The following ACAD8 variants were observed in gnomAD, a reference collection of about 807,000 sequenced individuals.
ACAD8 encodes the protein acyl-CoA dehydrogenase family member 8.
Under a neutral mutation model 53.1 loss-of-function variants are expected in ACAD8, and 47 were observed. The observed-to-expected ratio is 0.89, with a 90% CI of 0.70 to 1.13. The LOEUF is 1.13. ACAD8 is among the 50% of genes most tolerant of loss of function. The pLI is 0.00. For synonymous variants in ACAD8, 198 were observed against 201.3 expected (o/e 0.98, Z 0.14); for missense variants, 494 against 535.0 (o/e 0.92, Z 0.76).
intron 10 of ACAD8, chr11:134,263,500 C>A (rs1940025253): frequency 2.0e-6 from 2 of 985,552 alleles, no homozygotes; most frequent in Non-Finnish European, 2.4e-6. Flanking sequence ...TGTCTGAGAA[C>A]CACACTTTGA....
At chr11:134,259,795 C>T in intron 6 of ACAD8, 50 bp downstream of exon 6, 2 of 1,613,706 alleles carry the variant, frequency 1.2e-6, no homozygotes, top group Non-Finnish European at 1.7e-6. Flanking sequence ...ACTCTGCCAC[C>T]TGCCAGCCCA....
intron 5 of ACAD8, chr11:134,259,372 A>G: frequency 4.8e-6 from 3 of 622,792 alleles, no homozygotes; most frequent in Non-Finnish European, 8.4e-6. Flanking sequence ...TCTCTGTGCC[A>G]TTGGACCTTA....
At chr11:134,259,168 G>C in intron 5 of ACAD8, 84 bp downstream of exon 5, 1 of 1,227,290 alleles carries the variant, frequency 8.1e-7, no homozygotes, top group Middle Eastern at 1.9e-4. Flanking sequence ...ACATCCGCGG[G>C]TTAATACTCC....
At chr11:134,262,676 G>C (rs866514202) in intron 10 of ACAD8, 54 bp downstream of exon 10, 1 of 1,558,124 alleles carries the variant, frequency 6.4e-7, no homozygotes, top group East Asian at 2.3e-5. Flanking sequence ...CGGGATCGCT[G>C]CTTTCCCCAC....
Position 134,261,977 on chromosome 11 carries a change from C to G in ACAD8, c.1092+87C>G. 2 of 1,486,040 alleles carry G rather than the reference C, an allele frequency of 1.3e-6. No homozygotes were observed. Among genetic ancestry groups the G allele is most frequent in the South Asian group, 2.3e-5 (2 of 85,476 alleles). 92.1% of individuals were successfully genotyped at this position (1,486,040 alleles called of 1,614,324 possible). A position where few individuals can be genotyped will look rare whatever the true frequency, so the allele number is the denominator to read the frequency against. ...TGAGAGACATGAGTCAGATTTGGAACCCAGCCCTCCTGGAATCCCACAAGG... is the reference window on the plus strand; with the variant it reads ...TGAGAGACATGAGTCAGATTTGGAAGCCAGCCCTCCTGGAATCCCACAAGG... On this transcript the variant is annotated intron_variant, in intron 9 of 10. Transcript: ENST00000281182. This position sits in a 1 kb window ranked among gnomAD's most constrained non-coding sequence, Gnocchi z 4.2.
intron 10 of ACAD8, 126 bp downstream of exon 10, chr11:134,262,748 C>T: frequency 6.6e-7 from 1 of 1,511,330 alleles, no homozygotes; most frequent in South Asian, 1.2e-5. Flanking sequence ...CTCGAGGCTT[C>T]CTCCTCCCTC....
intron 10 of ACAD8, chr11:134,263,162 C>T (rs747120389): frequency 1.4e-4 from 152 of 1,069,034 alleles, no homozygotes; most frequent in Admixed American, 8.4e-4. Context: ...CCGTTGGGGT[C>T]GGGCTCGGAG....
chr11:134,257,798 C>A, intron 3 of ACAD8: 1 of 181,796 alleles, frequency 5.5e-6, no homozygotes, highest in East Asian at 1.4e-4. Context: ...TTATTTTGAG[C>A]TGGTACCAGG....
intron 10 of ACAD8, chr11:134,264,032 T>C (rs1231804474): frequency 1.6e-5 from 16 of 985,170 alleles, no homozygotes; most frequent in Non-Finnish European, 1.9e-5. Context: ...TGTGTATTTA[T>C]TGTTGAAACC....
Position 134,261,916 on chromosome 11 carries a change from G to C in ACAD8, c.1092+26G>C. The C allele has an allele frequency of 6.2e-7, 1 of 1,612,424 alleles. No homozygotes were observed. Among genetic ancestry groups the C allele is most frequent in the East Asian group, 2.2e-5 (1 of 44,874 alleles). ...GTAAGTGATTCCTCTGGCTCTCCTG[G>C]GATGGACAGGGAACAGCTGCTAGGC... On this transcript the variant is annotated intron_variant, in intron 9 of 10. Coordinates refer to ENST00000281182, the MANE Select transcript of ACAD8 (RefSeq NM_014384.3). The surrounding 1 kb of genome is among the most constrained non-coding windows in gnomAD (Gnocchi z 4.2).
intron 6 of ACAD8, chr11:134,259,984 T>C: frequency 2.2e-6 from 3 of 1,360,572 alleles, no homozygotes; most frequent in Non-Finnish European, 2.9e-6. Flanking sequence ...CTGTGAGTGT[T>C]CTGACCTCTC....
intron 1 of ACAD8, among the ~76,000 whole-genome samples, chr11:134,256,153 C>T (rs1939516392): frequency 6.6e-6 from 1 of 152,194 alleles, no homozygotes; most frequent in African/African-American, 2.4e-5. Flanking sequence ...GTGATCTGCC[C>T]GCCTCGGCCT....
intron 1 of ACAD8, 64 bp downstream of exon 1, chr11:134,253,773 G>T: frequency 1.4e-6 from 2 of 1,462,078 alleles, no homozygotes; most frequent in Admixed American, 2.0e-5. Flanking sequence ...ATGTCCGCGA[G>T]GGGCTGCAGT....
intron 6 of ACAD8, 96 bp from the exon 7 acceptor site, chr11:134,260,948 G>A (rs1939832785): frequency 1.4e-6 from 2 of 1,436,722 alleles, no homozygotes; most frequent in African/African-American, 2.8e-5. Context: ...TAAGTCTTGG[G>A]TGCTGAAACC....
At chr11:134,256,695 G>C (rs1939547722) in intron 2 of ACAD8, 47 bp downstream of exon 2, 1 of 1,516,066 alleles carries the variant, frequency 6.6e-7, no homozygotes, top group African/African-American at 1.4e-5. Context: ...AGATGTCTCA[G>C]GCAGACCTTT....
At chr11:134,258,188 A>G (rs1939657517) in intron 3 of ACAD8, 1 of 373,036 alleles carries the variant, frequency 2.7e-6, no homozygotes, top group East Asian at 6.5e-5. Context: ...TGGAACTGCC[A>G]GTGATTTGAG....
At chr11:134,256,479 TCTTGTTGGCAACAC>T (rs1284100745) in intron 1 of ACAD8, 55 bp from the exon 2 acceptor site, 11 of 1,278,278 alleles carry the variant, frequency 8.6e-6, no homozygotes, top group South Asian at 1.2e-5. Flanking sequence ...TCGTGGTGCT[TCTTGTTGGCAACAC>T]CTTGTTGGCA....
At chr11:134,258,384 A>G in intron 3 of ACAD8, 131 bp from the exon 4 acceptor site, 1 of 706,454 alleles carries the variant, frequency 1.4e-6, no homozygotes, top group Non-Finnish European at 2.6e-6. Flanking sequence ...CCCAATTGTG[A>G]CTCTCCCCTT....
At position 134,253,728 on chromosome 11, in the gene ACAD8, G is replaced by A; in HGVS notation, c.109+19G>A. 3.2e-6 allele frequency: 5 copies of A among 1,574,746 alleles called. No individual in the cohort carries two copies. Among genetic ancestry groups the A allele is most frequent in the Non-Finnish European group, 4.3e-6 (5 of 1,160,906 alleles). ...ATCGACCGTAAGGATCTCCTGGCGGGCAGTAGGACAGGTGTCCAGAACCCC... is the reference window on the plus strand; with the variant it reads ...ATCGACCGTAAGGATCTCCTGGCGGACAGTAGGACAGGTGTCCAGAACCCC... On this transcript the variant is annotated intron_variant, in intron 1 of 10. Transcript: ENST00000281182.
Sources: allele counts gnomAD v4.1 joint callset (sites outside exome capture counted in the v4.1 genomes callset), GRCh38; gene constraint gnomAD v4.1.1; non-coding constraint Gnocchi (gnomAD v3.1); transcripts MANE v1.5; gene names NCBI Gene and HGNC (gene_info 2026-07-23, HGNC 2026-07-21).